The following ROS1 variants were observed in gnomAD, a reference collection of about 807,000 sequenced individuals.
ROS1 encodes proto-oncogene tyrosine-protein kinase ROS.
Under a neutral mutation model 273.5 loss-of-function variants are expected in ROS1, and 263 were observed. The ratio of observed to expected loss-of-function variants is 0.96; its 90% CI spans 0.87 to 1.06. The LOEUF is 1.06. Among genes scored for constraint, ROS1 ranks in the 50% least tolerant of loss-of-function variants. The pLI, the probability that ROS1 is intolerant of heterozygous loss-of-function variation, is 0.00. For synonymous variants in ROS1, 1,008 were observed against 954.1 expected, an observed-to-expected ratio of 1.06 and a Z score of -1.04; for missense variants, 2,833 against 2,751.1, an observed-to-expected ratio of 1.03 and a Z score of -0.67.
intron 1 of ROS1, among the ~76,000 whole-genome samples, chr6:117,420,164 C>T (rs1289382207): frequency 6.6e-6 from 1 of 151,874 alleles, no homozygotes; most frequent in Non-Finnish European, 1.5e-5. Flanking sequence ...TTGAAGGGGG[C>T]AGAGTGATTG....
At chr6:117,349,440 A>G (rs1401492397) in intron 27 of ROS1, among the ~76,000 whole-genome samples, 1 of 151,792 alleles carries the variant, frequency 6.6e-6, no homozygotes, top group Admixed American at 6.6e-5. Context: ...TTTACTTTTG[A>G]TCTATATGAT....
Position 117,337,761 on chromosome 6 carries a change from T to G in ROS1, c.5062-421A>C, listed in dbSNP as rs534126371. Among the ~76,000 whole-genome samples the G allele has an allele frequency of 3.2e-4, 48 of 152,230 alleles. 1 individual carries two copies. In the South Asian group the frequency reaches 1.0e-2, roughly 32 times the overall value. On this transcript the variant is annotated intron_variant, in intron 31 of 43. Coordinates refer to ENST00000368507, the MANE Select transcript of ROS1 (RefSeq NM_001378902.1). ...ATTTGTTAATTTCATAGCAATAATA[T>G]TTTTACATGTTTTGATTACATATTT...
chr6:117,403,875 A>G (rs1774160556), intron 6 of ROS1, among the ~76,000 whole-genome samples: 1 of 136,534 alleles, frequency 7.3e-6, no homozygotes, highest in African/African-American at 3.1e-5. Context: ...ATCTGAACCC[A>G]ACTACCCATC....
At position 117,318,268 on chromosome 6, in the gene ROS1, A is replaced by G; in HGVS notation, c.5923-16T>C. 1 of 1,601,504 alleles carries G rather than the reference A, an allele frequency of 6.2e-7. No individual in the cohort carries two copies. The highest frequency in any genetic ancestry group is 8.6e-7 in the Non-Finnish European group (1 of 1,169,112). ...TCTTCAAAGTCTATACAACATAAAA[A>G]CAAGTCAGGAATCAGTATAGCAGAC... is the stretch of plus-strand genomic sequence containing the variant. On this transcript the variant is annotated splice_polypyrimidine_tract_variant and intron_variant, in intron 37 of 43. Coordinates refer to ENST00000368507, the MANE Select transcript of ROS1 (RefSeq NM_001378902.1).
chr6:117,383,130 C>A (rs1302380387), intron 17 of ROS1, among the ~76,000 whole-genome samples, 187 bp downstream of exon 17: 1 of 151,394 alleles, frequency 6.6e-6, no homozygotes, highest in Non-Finnish European at 1.5e-5. Context: ...ATAAGGCTTT[C>A]AATTGTGACC....
At chr6:117,315,397 A>C (rs1218632187) in intron 39 of ROS1, among the ~76,000 whole-genome samples, 1 of 152,152 alleles carries the variant, frequency 6.6e-6, no homozygotes, top group Non-Finnish European at 1.5e-5. Flanking sequence ...TTAGCAAAGC[A>C]ACTGTTACTT....
chr6:117,295,417 C>T (rs1434167922), intron 43 of ROS1, among the ~76,000 whole-genome samples: 1 of 152,160 alleles, frequency 6.6e-6, no homozygotes. Context: ...ATCTCCAGGA[C>T]ATTGGTTGGG....
intron 21 of ROS1, among the ~76,000 whole-genome samples, chr6:117,363,785 G>A (rs899629608): frequency 7.9e-5 from 12 of 152,044 alleles, no homozygotes; most frequent in African/African-American, 2.7e-4. Flanking sequence ...TGCTGCTCAG[G>A]TATAACTCTC....
At chr6:117,401,622 G>A (rs559954322) in intron 7 of ROS1, among the ~76,000 whole-genome samples, 17 of 151,972 alleles carry the variant, frequency 1.1e-4, no homozygotes, top group Admixed American at 3.3e-4. Flanking sequence ...ATTACTTATC[G>A]GACTGTCTTC....
Position 117,397,124 on chromosome 6 carries a change from A to G in ROS1, c.605-8T>C, listed in dbSNP as rs532258427. On this transcript the variant is annotated splice_region_variant and splice_polypyrimidine_tract_variant and intron_variant, in intron 7 of 43. Transcript: ENST00000368507. ...AAGGTGCAGTTTCAGGAACTGGAAG[A>G]GATAATGGTGACATAATGAGCAGAA... 3 of 1,586,586 alleles carry G rather than the reference A, an allele frequency of 1.9e-6. No homozygotes were observed. Among genetic ancestry groups the G allele is most frequent in the African/African-American group, 1.3e-5 (1 of 74,402 alleles).
chr6:117,404,265 G>C lies in ROS1; in HGVS notation c.465+15C>G, dbSNP rs370896156. Reference sequence around the variant, plus strand: ...GAAGGGGTCTGGGTTGAGGTACAAAGGCAGCCTTTCATACCTTAGTATAAG... The same window carrying C: ...GAAGGGGTCTGGGTTGAGGTACAAACGCAGCCTTTCATACCTTAGTATAAG... On this transcript the variant is annotated intron_variant, in intron 6 of 43. Coordinates refer to ENST00000368507, the MANE Select transcript of ROS1 (RefSeq NM_001378902.1). 5.5e-5 allele frequency: 88 copies of C among 1,611,018 alleles called. No homozygotes were observed. The African/African-American group carries it at 1.0e-3, about 19-fold the overall frequency.
At chr6:117,397,291 G>A (rs574271965) in intron 7 of ROS1, among the ~76,000 whole-genome samples, 175 bp from the exon 8 acceptor site, 26 of 151,782 alleles carry the variant, frequency 1.7e-4, no homozygotes, top group Non-Finnish European at 3.2e-4. Flanking sequence ...AAACCAGTTC[G>A]CTCCTTTCCC....
intron 25 of ROS1, 37 bp from the exon 26 acceptor site, chr6:117,356,952 T>C (rs970455439): frequency 2.0e-5 from 30 of 1,514,126 alleles, no homozygotes; most frequent in Non-Finnish European, 2.7e-5. Flanking sequence ...ACTTAATGAG[T>C]AAAATACATC....
intron 22 of ROS1, among the ~76,000 whole-genome samples, chr6:117,360,697 G>A (rs1779729593): frequency 6.6e-6 from 1 of 151,974 alleles, no homozygotes; most frequent in Non-Finnish European, 1.5e-5. Context: ...TGTACAGCAT[G>A]GATGGTGATG....
chr6:117,380,790 A>T (rs1772067295), intron 17 of ROS1, among the ~76,000 whole-genome samples: 1 of 152,092 alleles, frequency 6.6e-6, no homozygotes, highest in Admixed American at 6.6e-5. Flanking sequence ...CTTATGCTAA[A>T]TTTTAATTCT....
At chr6:117,319,583 C>T (rs965932440) in intron 37 of ROS1, among the ~76,000 whole-genome samples, 1 of 152,090 alleles carries the variant, frequency 6.6e-6, no homozygotes, top group Non-Finnish European at 1.5e-5. Flanking sequence ...TTCACAACTC[C>T]AGTTCTCTTA....
intron 42 of ROS1, among the ~76,000 whole-genome samples, chr6:117,303,368 C>T (rs1447866861): frequency 1.3e-5 from 2 of 152,154 alleles, no homozygotes; most frequent in Non-Finnish European, 2.9e-5. Context: ...TGGAAAGTTG[C>T]TTACAGAAGG....
At position 117,321,552 on chromosome 6, in the gene ROS1, A is replaced by G. The variant is rs565310110; in HGVS notation, c.5624-158T>C. On this transcript the variant is annotated intron_variant, in intron 35 of 43. Coordinates refer to ENST00000368507, the MANE Select transcript of ROS1 (RefSeq NM_001378902.1). The stretch of plus-strand genomic sequence containing the variant: ...AATTTGATTTTAAAATATCTTATAA[A>G]AAACTAATTAAATCCAGGTAAAAAG... 3.3e-5 allele frequency among the ~76,000 whole-genome samples: 5 copies of G among 152,288 alleles called. No homozygotes were observed. In the South Asian group the frequency reaches 1.0e-3, roughly 32 times the overall value.
intron 42 of ROS1, among the ~76,000 whole-genome samples, chr6:117,305,135 A>G (rs1775007953): frequency 6.6e-6 from 1 of 152,160 alleles, no homozygotes; most frequent in African/African-American, 2.4e-5. Flanking sequence ...TAGTAGTGTG[A>G]GAATGAACTA....
Sources: gnomAD v4.1 joint callset for allele counts (sites outside exome capture counted in the v4.1 genomes callset) on GRCh38, gnomAD v4.1.1 for gene constraint, MANE v1.5 for transcripts, NCBI Gene and HGNC (gene_info 2026-07-23, HGNC 2026-07-21) for gene names.